The following BAZ2B variants were observed in gnomAD, a reference collection of about 807,000 sequenced individuals.
The protein encoded by BAZ2B is bromodomain adjacent to zinc finger domain protein 2B.
In BAZ2B, 91 loss-of-function variants were observed where a neutral mutation model predicts 246.0. That is an observed-to-expected ratio of 0.37 (90% confidence interval 0.31 to 0.44). The LOEUF is 0.44. BAZ2B is among the 20% of genes least tolerant of loss of function. BAZ2B has a pLI of 1.00. For missense variants in BAZ2B, 2,332 were observed against 2,533.7 expected, an observed-to-expected ratio of 0.92 and a Z score of 1.71; for synonymous variants, 855 against 860.0, an observed-to-expected ratio of 0.99 and a Z score of 0.10.
In BAZ2B at chr2:159,337,781, C is replaced by G. The variant is rs201634510; in HGVS notation, c.5455-9G>C. The G allele has an allele frequency of 2.2e-5, 35 of 1,609,780 alleles. No individual in the cohort carries two copies. Among genetic ancestry groups the G allele is most frequent in the Middle Eastern group, 1.7e-4 (1 of 6,052 alleles). On this transcript the variant is annotated splice_polypyrimidine_tract_variant and intron_variant, in intron 31 of 36. Transcript: ENST00000392783. Reference sequence around the variant, plus strand: ...TCTGGACACATCCAACCCTATATATCAAGAGAATAGTGTTATTATGGTTTC... The same window carrying G: ...TCTGGACACATCCAACCCTATATATGAAGAGAATAGTGTTATTATGGTTTC...
In BAZ2B at chr2:159,431,282, T is replaced by C. The variant is rs979270723; in HGVS notation, c.1901-126A>G. 4 of 1,341,526 alleles carry C rather than the reference T, an allele frequency of 3.0e-6. No individual in the cohort carries two copies. The African/African-American group carries it at 5.9e-5, about 20-fold the overall frequency. 83.1% of individuals were successfully genotyped at this position (1,341,526 alleles called of 1,614,324 possible). A position where few individuals can be genotyped will look rare whatever the true frequency, so the allele number is the denominator to read the frequency against. On this transcript the variant is annotated intron_variant, in intron 9 of 36. Transcript: ENST00000392783. ...TGAGAACTCAAATGAGCAATTTTCCTACAGAGTAAATGTTATAAGCTATTT... is the reference window on the plus strand; with the variant it reads ...TGAGAACTCAAATGAGCAATTTTCCCACAGAGTAAATGTTATAAGCTATTT...
chr2:159,608,489 GC>G lies in BAZ2B; in HGVS notation c.-46+7752del, dbSNP rs1694015700. On this transcript the variant is annotated intron_variant, in intron 1 of 36. Transcript: ENST00000392783. ...GGCAGACAAATAAAATCCCAAACCT[GC>G]ATTTTAGTCAAAAACTAAGAACCCC... 3.3e-5 allele frequency among the ~76,000 whole-genome samples: 5 copies of G among 152,188 alleles called. No homozygotes were observed. In the South Asian group the frequency reaches 1.0e-3, roughly 31 times the overall value.
chr2:159,633,794 G>A, the BAZ2B span, among the ~76,000 whole-genome samples: 2 of 142,464 alleles, frequency 1.4e-5, no homozygotes, highest in Non-Finnish European at 3.0e-5. Flanking sequence ...AGGCTGGAGC[G>A]CAGTGGCACG....
Position 159,433,173 on chromosome 2 carries a change from T to C in BAZ2B, c.1484A>G (p.Asn495Ser). The stretch of plus-strand genomic sequence containing the variant: ...TTGAATGACACTTTGAATAACTCCA[T>C]TTGGTTGGTGATTACCTAAAAGTGC... ...TNALLGNHQP[N>S]GVIQSVIQEA... The change falls in exon 9 of 37, where the codon AAT (asparagine) becomes AGT (serine). Residue 495 changes from asparagine to serine, a missense_variant. Coordinates refer to ENST00000392783, the MANE Select transcript of BAZ2B (RefSeq NM_013450.4). 4 of 1,614,196 alleles carry C rather than the reference T, an allele frequency of 2.5e-6. No individual in the cohort carries two copies. Among genetic ancestry groups the C allele is most frequent in the Non-Finnish European group, 3.4e-6 (4 of 1,180,030 alleles).
chr2:159,367,260 G>A (rs2060316425), intron 27 of BAZ2B, among the ~76,000 whole-genome samples: 1 of 152,100 alleles, frequency 6.6e-6, no homozygotes, highest in African/African-American at 2.4e-5. Context: ...TCTCTAACTG[G>A]ACAAGGCACA....
At chr2:159,496,643 A>G (rs1046310367) in intron 2 of BAZ2B, among the ~76,000 whole-genome samples, 18 of 151,530 alleles carry the variant, frequency 1.2e-4, no homozygotes, top group African/African-American at 4.1e-4. Context: ...TTAGCCGGGC[A>G]TGGTGAGGCA....
At chr2:159,438,956 T>C (rs2072905872) in intron 7 of BAZ2B, 53 bp downstream of exon 7, 1 of 1,549,612 alleles carries the variant, frequency 6.5e-7, no homozygotes, top group African/African-American at 1.4e-5. Flanking sequence ...GATAAACCAG[T>C]TAATTCCTAA....
chr2:159,572,488 A>G (rs1684259532), intron 1 of BAZ2B, among the ~76,000 whole-genome samples: 1 of 152,200 alleles, frequency 6.6e-6, no homozygotes, highest in African/African-American at 2.4e-5. Flanking sequence ...GGTGCTGAAT[A>G]ATTGGAGAAT....
Position 159,337,809 on chromosome 2 carries a change from C to T in BAZ2B, c.5455-37G>A, listed in dbSNP as rs147185826. 646 of 1,574,632 alleles carry T rather than the reference C, an allele frequency of 4.1e-4. 3 individuals carry two copies. In the African/African-American group the frequency reaches 7.5e-3, roughly 18 times the overall value. On this transcript the variant is annotated intron_variant, in intron 31 of 36. Transcript: ENST00000392783. ...GAGAATAGTGTTATTATGGTTTCCTCTTAAAATGCTAGGTGGGTGAATTAC... is the reference window on the plus strand; with the variant it reads ...GAGAATAGTGTTATTATGGTTTCCTTTTAAAATGCTAGGTGGGTGAATTAC...
chr2:159,626,423 G>A, the BAZ2B span, among the ~76,000 whole-genome samples: 6 of 152,048 alleles, frequency 3.9e-5, no homozygotes, highest in Non-Finnish European at 8.8e-5. Flanking sequence ...CACATAAGAC[G>A]TAAAACACTC....
At chr2:159,660,185 C>A in the BAZ2B span, among the ~76,000 whole-genome samples, 1 of 152,162 alleles carries the variant, frequency 6.6e-6, no homozygotes, top group Non-Finnish European at 1.5e-5. Flanking sequence ...TATGAGGTAT[C>A]ATATATATCA....
intron 1 of BAZ2B, among the ~76,000 whole-genome samples, chr2:159,599,444 C>T (rs1236454067): frequency 6.6e-6 from 1 of 151,366 alleles, no homozygotes; most frequent in African/African-American, 2.4e-5. Context: ...CATGGAGAAA[C>T]CCCGTCTCTA....
Position 159,435,000 on chromosome 2 carries a change from T to A in BAZ2B, c.1294-1637A>T, listed in dbSNP as rs572151489. ...AACAGCAGCAGAATTATTAAAATCCTTTGAGTTAACAGAAGGAGCTGAATT... is the reference window on the plus strand; with the variant it reads ...AACAGCAGCAGAATTATTAAAATCCATTGAGTTAACAGAAGGAGCTGAATT... On this transcript the variant is annotated intron_variant, in intron 8 of 36. Transcript: ENST00000392783. The A allele has an allele frequency of 1.9e-4, 29 of 151,878 alleles. 1 individual carries two copies. Among genetic ancestry groups the A allele is most frequent in the African/African-American group, 3.1e-4 (13 of 41,404 alleles). The allele number at this position is 151,878 out of a possible 1,614,324, so 9.4% of individuals were successfully genotyped here.
chr2:159,557,134 T>A (rs962442939), intron 1 of BAZ2B, among the ~76,000 whole-genome samples: 2 of 138,448 alleles, frequency 1.4e-5, no homozygotes, highest in Non-Finnish European at 3.0e-5. Flanking sequence ...GCCTCCCTAC[T>A]TCTATTCTTT....
chr2:159,345,995 A>T (rs2067711666), intron 31 of BAZ2B, among the ~76,000 whole-genome samples: 2 of 152,336 alleles, frequency 1.3e-5, no homozygotes, highest in Middle Eastern at 3.4e-3. Context: ...AAAACACATT[A>T]AAAAATTCTA....
chr2:159,674,712 G>A, the BAZ2B span, among the ~76,000 whole-genome samples: 35 of 144,504 alleles, frequency 2.4e-4, no homozygotes, highest in African/African-American at 8.7e-4. Context: ...ATGAAGCTCC[G>A]TCTTAAAAAA....
chr2:159,466,194 C>T (rs2077024344), intron 3 of BAZ2B, among the ~76,000 whole-genome samples: 1 of 152,168 alleles, frequency 6.6e-6, no homozygotes, highest in Non-Finnish European at 1.5e-5. Flanking sequence ...CTTCAGTAAT[C>T]TCAACTGATC....
chr2:159,484,042 T>C (rs1029491110), intron 2 of BAZ2B, among the ~76,000 whole-genome samples: 3 of 152,110 alleles, frequency 2.0e-5, no homozygotes, highest in African/African-American at 4.8e-5. Flanking sequence ...AGGGAACATA[T>C]GGGTGACATT....
At chr2:159,553,339 G>A (rs1351374172) in intron 2 of BAZ2B, among the ~76,000 whole-genome samples, 2 of 137,484 alleles carry the variant, frequency 1.5e-5, no homozygotes, top group African/African-American at 5.5e-5. Context: ...AGGCTGCAGT[G>A]AGCCAAGATT....
Sources: gnomAD v4.1 joint callset for allele counts (sites outside exome capture counted in the v4.1 genomes callset) on GRCh38, gnomAD v4.1.1 for gene constraint, MANE v1.5 for transcripts, NCBI Gene and HGNC (gene_info 2026-07-23, HGNC 2026-07-21) for gene names.